The following SGCZ variants were observed in gnomAD, a reference collection of about 807,000 sequenced individuals.
SGCZ encodes sarcoglycan zeta, also known as zeta-sarcoglycan.
Under a neutral mutation model 41.3 loss-of-function variants are expected in SGCZ, and 40 were observed. The observed-to-expected ratio is 0.97, with a 90% CI of 0.75 to 1.26. The LOEUF (loss-of-function observed/expected upper bound fraction) is 1.26. SGCZ is among the 50% of genes most tolerant of loss of function. The pLI, the probability that SGCZ is intolerant of heterozygous loss-of-function variation, is 0.00. For missense variants in SGCZ, 552 were observed against 369.8 expected, an observed-to-expected ratio of 1.49 and a Z score of -4.04; for synonymous variants, 206 against 137.5, an observed-to-expected ratio of 1.50 and a Z score of -3.49.
At chr8:14,125,591 A>C (rs962641522) in intron 5 of SGCZ, among the ~76,000 whole-genome samples, 1 of 152,192 alleles carries the variant, frequency 6.6e-6, no homozygotes, top group African/African-American at 2.4e-5. Flanking sequence ...TTTCCATCAA[A>C]CTACAATGGA....
intron 1 of SGCZ, among the ~76,000 whole-genome samples, chr8:14,703,388 C>T (rs1451571128): frequency 1.3e-5 from 2 of 151,868 alleles, no homozygotes; most frequent in East Asian, 1.9e-4. Flanking sequence ...CATATTTGCA[C>T]GACTTAGTCT....
chr8:15,171,402 G>T (rs1345806783), intron 1 of SGCZ, among the ~76,000 whole-genome samples: 2 of 152,088 alleles, frequency 1.3e-5, no homozygotes, highest in African/African-American at 4.8e-5. Flanking sequence ...GTGTTTTATT[G>T]CATTTTATTT....
chr8:14,527,347 G>A (rs1452953014), intron 2 of SGCZ, among the ~76,000 whole-genome samples: 2 of 152,100 alleles, frequency 1.3e-5, no homozygotes, highest in Admixed American at 6.6e-5. Flanking sequence ...TGTCATCCAG[G>A]CTAGAGCGCA....
intron 5 of SGCZ, among the ~76,000 whole-genome samples, chr8:14,156,305 A>C (rs1803874047): frequency 6.6e-6 from 1 of 152,118 alleles, no homozygotes; most frequent in Non-Finnish European, 1.5e-5. Flanking sequence ...TAAAAATATA[A>C]AAAAGTTAGC....
intron 2 of SGCZ, among the ~76,000 whole-genome samples, chr8:14,413,575 A>T (rs1799417732): frequency 6.6e-6 from 1 of 152,020 alleles, no homozygotes; most frequent in Non-Finnish European, 1.5e-5. Context: ...AGGTCATTAT[A>T]TTACAACTTA....
At chr8:15,071,889 C>G (rs546248642) in intron 1 of SGCZ, among the ~76,000 whole-genome samples, 8 of 152,264 alleles carry the variant, frequency 5.3e-5, no homozygotes, top group Admixed American at 4.6e-4. Context: ...TCATCTGGGC[C>G]TCCCACAGGA....
intron 2 of SGCZ, among the ~76,000 whole-genome samples, chr8:14,394,883 G>T (rs1798864032): frequency 6.6e-6 from 1 of 152,108 alleles, no homozygotes; most frequent in African/African-American, 2.4e-5. Flanking sequence ...CAGTGCATGG[G>T]TGATATTGTG....
At chr8:14,554,363 A>G (rs1021472303) in intron 2 of SGCZ, among the ~76,000 whole-genome samples, 11 of 152,066 alleles carry the variant, frequency 7.2e-5, no homozygotes, top group Admixed American at 5.3e-4. Flanking sequence ...ATGATTTATA[A>G]AAGTAATATT....
intron 2 of SGCZ, among the ~76,000 whole-genome samples, chr8:14,517,137 G>A (rs1802646108): frequency 6.6e-6 from 1 of 152,014 alleles, no homozygotes; most frequent in South Asian, 2.1e-4. Flanking sequence ...AAGAGATTAA[G>A]TCCTGCCTTC....
intron 4 of SGCZ, among the ~76,000 whole-genome samples, chr8:14,223,761 T>G (rs1806282419): frequency 6.6e-6 from 1 of 152,180 alleles, no homozygotes; most frequent in Admixed American, 6.5e-5. Context: ...ATACTAGAAC[T>G]AAATATTACT....
intron 1 of SGCZ, among the ~76,000 whole-genome samples, chr8:14,555,852 A>T (rs1804020023): frequency 6.6e-6 from 1 of 152,116 alleles, no homozygotes; most frequent in South Asian, 2.1e-4. Context: ...AATAGCTATC[A>T]AATTAAGTTT....
chr8:14,876,158 A>G (rs895750178), intron 1 of SGCZ, among the ~76,000 whole-genome samples: 1 of 152,162 alleles, frequency 6.6e-6, no homozygotes, highest in Admixed American at 6.6e-5. Flanking sequence ...TCTTAAAAGC[A>G]CTATCTCAAG....
intron 3 of SGCZ, among the ~76,000 whole-genome samples, chr8:14,271,359 T>G (rs1800052774): frequency 6.6e-6 from 1 of 152,216 alleles, no homozygotes; most frequent in Non-Finnish European, 1.5e-5. Flanking sequence ...TTTGATTGAT[T>G]CATATGAATT....
intron 1 of SGCZ, among the ~76,000 whole-genome samples, chr8:15,103,018 T>C (rs568981559): frequency 6.6e-6 from 1 of 152,274 alleles, no homozygotes; most frequent in Admixed American, 6.5e-5. Flanking sequence ...TAATGTAATA[T>C]AAATAGAACA....
intron 3 of SGCZ, among the ~76,000 whole-genome samples, chr8:14,245,618 T>A (rs550887575): frequency 5.5e-4 from 83 of 152,020 alleles, no homozygotes; most frequent in African/African-American, 1.9e-3. Context: ...ACTAAAGAGC[T>A]TCTGCACAGC....
At chr8:14,732,041 C>A (rs2254300) in intron 1 of SGCZ, among the ~76,000 whole-genome samples, 58,465 of 152,080 alleles carry the variant, frequency 0.38, 13,075 homozygotes, top group Non-Finnish European at 0.51. Flanking sequence ...GATTCAAGTA[C>A]AACTTGTTGA....
Position 15,237,694 on chromosome 8 carries a change from C to G in SGCZ, c.-71G>C, listed in dbSNP as rs1802185733. On this transcript the variant is annotated 5_prime_UTR_variant, in exon 1 of 8. Coordinates refer to ENST00000382080, the MANE Select transcript of SGCZ (RefSeq NM_139167.4). ...CAAAAACAATCTAGTCTTTTAGTTTCCAGCTTAAACTCAGCTTTATCCTCC... is the reference window on the plus strand; with the variant it reads ...CAAAAACAATCTAGTCTTTTAGTTTGCAGCTTAAACTCAGCTTTATCCTCC... The G allele has an allele frequency of 3.3e-6, 5 of 1,519,904 alleles. No individual in the cohort carries two copies. In the East Asian group the frequency reaches 1.2e-4, roughly 37 times the overall value. The allele number at this position is 1,519,904 out of a possible 1,614,324, so 94.2% of individuals were successfully genotyped here.
intron 2 of SGCZ, among the ~76,000 whole-genome samples, chr8:14,362,667 C>A (rs988929321): frequency 2.6e-5 from 4 of 152,162 alleles, no homozygotes; most frequent in Non-Finnish European, 5.9e-5. Context: ...AGGCGACACC[C>A]CATGCTGCTT....
At chr8:14,312,850 A>C (rs1245701454) in intron 3 of SGCZ, among the ~76,000 whole-genome samples, 1 of 152,178 alleles carries the variant, frequency 6.6e-6, no homozygotes, top group Non-Finnish European at 1.5e-5. Context: ...TTAAAGAAAA[A>C]CTACACAGCA....
Sources: gnomAD v4.1 joint callset for allele counts (sites outside exome capture counted in the v4.1 genomes callset) on GRCh38, gnomAD v4.1.1 for gene constraint, MANE v1.5 for transcripts, NCBI Gene and HGNC (gene_info 2026-07-23, HGNC 2026-07-21) for gene names.